PRUNE2: variants seen among roughly 807,000 people sequenced by gnomAD.
The protein encoded by PRUNE2 is prune homolog 2 with BCH domain, also known as protein prune homolog 2.
Under a neutral mutation model 252.0 loss-of-function variants are expected in PRUNE2, and 164 were observed. The ratio of observed to expected loss-of-function variants is 0.65; its 90% confidence interval spans 0.57 to 0.74. The LOEUF (loss-of-function observed/expected upper bound fraction) is 0.74, where lower values mean the gene tolerates loss of function less well. Among genes scored for constraint, PRUNE2 ranks in the 30% least tolerant of loss-of-function variants. The pLI is 0.00. For missense variants in PRUNE2, 3,495 were observed against 3,711.0 expected (o/e 0.94, Z 1.51); for synonymous variants, 1,292 against 1,350.2 (o/e 0.96, Z 0.94).
At chr9:76,827,518 C>T (rs893023869) in intron 4 of PRUNE2, among the ~76,000 whole-genome samples, 3 of 152,148 alleles carry the variant, frequency 2.0e-5, no homozygotes, top group African/African-American at 4.8e-5. Flanking sequence ...AGAGAAGTTT[C>T]GCTTAATGAC....
intron 6 of PRUNE2, among the ~76,000 whole-genome samples, chr9:76,774,286 C>T (rs965093615): frequency 1.3e-5 from 2 of 151,570 alleles, no homozygotes; most frequent in African/African-American, 4.9e-5. Flanking sequence ...CAGGTGTGCA[C>T]CACCATGCCC....
chr9:76,755,645 G>C (rs548596974), intron 6 of PRUNE2, among the ~76,000 whole-genome samples: 9 of 152,262 alleles, frequency 5.9e-5, no homozygotes, highest in African/African-American at 2.2e-4. Context: ...ACCTCGGGGA[G>C]AATCTGGATT....
chr9:76,871,978 A>G (rs1205108466), intron 1 of PRUNE2, among the ~76,000 whole-genome samples: 1 of 152,170 alleles, frequency 6.6e-6, no homozygotes, highest in East Asian at 1.9e-4. Flanking sequence ...GACATTGTAA[A>G]AAATGAAAAT....
At chr9:76,731,319 TATA>T (rs1360706763) in intron 6 of PRUNE2, among the ~76,000 whole-genome samples, 20 of 104,368 alleles carry the variant, frequency 1.9e-4, no homozygotes, top group African/African-American at 8.4e-4. Context: ...TCTATATATA[TATA>T]TATTTTTTTT....
At chr9:76,851,884 G>A (rs973313052) in intron 2 of PRUNE2, among the ~76,000 whole-genome samples, 1 of 152,168 alleles carries the variant, frequency 6.6e-6, no homozygotes, top group African/African-American at 2.4e-5. Flanking sequence ...AAATAAAGGT[G>A]CTTTAAAAAT....
intron 3 of PRUNE2, among the ~76,000 whole-genome samples, chr9:76,848,722 T>A (rs1199403340): frequency 1.3e-5 from 2 of 152,212 alleles, no homozygotes; most frequent in African/African-American, 2.4e-5. Context: ...CAAAAGGACA[T>A]CTTCATAAAG....
At chr9:76,773,595 C>A (rs2130995396) in intron 6 of PRUNE2, among the ~76,000 whole-genome samples, 1 of 152,228 alleles carries the variant, frequency 6.6e-6, no homozygotes, top group South Asian at 2.1e-4. Flanking sequence ...AGGCACCTGC[C>A]AGCAAGCCAG....
intron 9 of PRUNE2, among the ~76,000 whole-genome samples, chr9:76,702,708 G>A (rs2045988526): frequency 6.6e-6 from 1 of 152,214 alleles, no homozygotes; most frequent in Non-Finnish European, 1.5e-5. Context: ...GGAGACTGCT[G>A]TGGAGCCTGT....
chr9:76,709,569 C>A lies in PRUNE2; in HGVS notation c.2705G>T (p.Gly902Val). The change falls in exon 8 of 19, where the codon GGT (glycine) becomes GTT (valine). Residue 902 changes from glycine (G) to valine (V), a missense_variant. Coordinates refer to ENST00000376718, the MANE Select transcript of PRUNE2 (RefSeq NM_015225.3). ...GCCCCTAGTTTTAGGATCCACTAAA[C>A]CATTCTGATCTTCTTTTGGTGGCTT... ...NSKPPKEDQN[G>V]LVDPKTRGKV... is the part of the protein sequence containing the mutation. The A allele has an allele frequency of 6.2e-7, 1 of 1,613,970 alleles. No individual in the cohort carries two copies. Among genetic ancestry groups the A allele is most frequent in the South Asian group, 1.1e-5 (1 of 91,076 alleles).
At chr9:76,867,923 T>C (rs542966521) in intron 1 of PRUNE2, among the ~76,000 whole-genome samples, 1 of 152,282 alleles carries the variant, frequency 6.6e-6, no homozygotes, top group Admixed American at 6.5e-5. Context: ...CCTAGGCTCT[T>C]GTGTACATGT....
chr9:76,768,949 A>T, intron 6 of PRUNE2, among the ~76,000 whole-genome samples: 1 of 152,224 alleles, frequency 6.6e-6, no homozygotes. Flanking sequence ...CCTTGTTTTA[A>T]CAAGTCAAAC....
intron 9 of PRUNE2, among the ~76,000 whole-genome samples, chr9:76,660,037 G>A (rs1343328753): frequency 6.6e-6 from 1 of 152,002 alleles, no homozygotes; most frequent in Admixed American, 6.6e-5. Flanking sequence ...TACAAGAAAT[G>A]CTATATGAAA....
In PRUNE2 at chr9:76,710,654, A is replaced by G; in HGVS notation, c.1620T>C (p.Asp540=). 1 of 1,612,344 alleles carries G rather than the reference A, an allele frequency of 6.2e-7. No homozygotes were observed. Among genetic ancestry groups the G allele is most frequent in the Non-Finnish European group, 8.5e-7 (1 of 1,179,144 alleles). The part of the protein sequence containing the change: ...GQLPAGPEGL[D]GMGTNMSNYS... The stretch of plus-strand genomic sequence containing the variant: ...AATTAGACATGTTGGTTCCCATGCC[A>G]TCAAGTCCTTCAGGCCCAGCGGGGA... Residue 540 remains aspartate (D), a synonymous_variant, in exon 8 of 19, where the codon GAT becomes GAC. Transcript: ENST00000376718.
At chr9:76,654,387 G>A (rs1244086903) in intron 10 of PRUNE2, among the ~76,000 whole-genome samples, 2 of 152,112 alleles carry the variant, frequency 1.3e-5, no homozygotes, top group South Asian at 4.1e-4. Context: ...CTAGGTAATG[G>A]TTTTATGTAT....
intron 6 of PRUNE2, among the ~76,000 whole-genome samples, chr9:76,734,876 T>C (rs1480513911): frequency 1.4e-4 from 21 of 152,192 alleles, no homozygotes. Context: ...CCTGTTCCTC[T>C]GAGACACGGA....
At position 76,901,551 on chromosome 9, in the gene PRUNE2, A is replaced by T. The variant is rs142304472; in HGVS notation, c.36+4377T>A. Reference sequence around the variant, plus strand: ...GGAACTTTCTTCCCATGCAAGAGGAAATCAGGAAGAATATATGCCTTCAAT... The same window carrying T: ...GGAACTTTCTTCCCATGCAAGAGGATATCAGGAAGAATATATGCCTTCAAT... On this transcript the variant is annotated intron_variant, in intron 1 of 18. Transcript: ENST00000376718. 3.0e-3 allele frequency among the ~76,000 whole-genome samples: 453 copies of T among 152,368 alleles called. 3 individuals carry two copies. Among genetic ancestry groups the T allele is most frequent in the African/African-American group, 0.01 (427 of 41,592 alleles).
intron 1 of PRUNE2, among the ~76,000 whole-genome samples, chr9:76,898,196 G>C (rs372193905): frequency 6.6e-6 from 1 of 152,212 alleles, no homozygotes; most frequent in East Asian, 1.9e-4. Context: ...GTGGGAAGGA[G>C]GACAAAAGTC....
chr9:76,692,263 G>T (rs1239118301), intron 9 of PRUNE2: 3 of 676,316 alleles, frequency 4.4e-6, no homozygotes, highest in Admixed American at 4.2e-5. Context: ...AGCCGCTGTG[G>T]CTAGGGGGCA....
At position 76,778,567 on chromosome 9, in the gene PRUNE2, C is replaced by T. The variant is rs547937478; in HGVS notation, c.756+45065G>A. 6 of 152,316 alleles carry T rather than the reference C, an allele frequency of 3.9e-5. No individual in the cohort carries two copies. In the South Asian group the frequency reaches 1.0e-3, roughly 26 times the overall value. 9.4% of individuals were successfully genotyped at this position (152,316 alleles called of 1,614,324 possible). ...GACTTGGAATTGCATGGAGCTGGAGCTGAAGTTTAGCCCAATTGTTTACTA... is the reference window on the plus strand; with the variant it reads ...GACTTGGAATTGCATGGAGCTGGAGTTGAAGTTTAGCCCAATTGTTTACTA... On this transcript the variant is annotated intron_variant, in intron 6 of 18. Coordinates refer to ENST00000376718, the MANE Select transcript of PRUNE2 (RefSeq NM_015225.3).
Sources: allele counts gnomAD v4.1 joint callset (sites outside exome capture counted in the v4.1 genomes callset), GRCh38; gene constraint gnomAD v4.1.1; transcripts MANE v1.5; gene names NCBI Gene and HGNC (gene_info 2026-07-23, HGNC 2026-07-21).